Variants in SPAG16 observed in about 807,000 individuals in gnomAD.
SPAG16 encodes sperm-associated antigen 16 protein.
Under a neutral mutation model 80.4 loss-of-function variants are expected in SPAG16, and 86 were observed. That is an observed-to-expected ratio of 1.07 (90% CI 0.90 to 1.28). The LOEUF (loss-of-function observed/expected upper bound fraction) is 1.28. SPAG16 is among the 50% of genes most tolerant of loss of function. SPAG16 has a pLI of 0.00. For synonymous variants in SPAG16, 294 were observed against 265.9 expected (o/e 1.11, Z -1.03); for missense variants, 870 against 765.3 (o/e 1.14, Z -1.61).
intron 13 of SPAG16, among the ~76,000 whole-genome samples, chr2:214,098,329 T>C (rs2052747947): frequency 6.6e-6 from 1 of 152,086 alleles, no homozygotes; most frequent in Non-Finnish European, 1.5e-5. Flanking sequence ...TAAATCCATA[T>C]GTTGATGTCT....
At chr2:214,245,562 A>ATT (rs1689782528) in intron 15 of SPAG16, among the ~76,000 whole-genome samples, 1 of 152,118 alleles carries the variant, frequency 6.6e-6, no homozygotes, top group South Asian at 2.1e-4. Flanking sequence ...AGTCTGAAAC[A>ATT]TTTTTTCTTT....
chr2:213,951,664 A>G (rs2079787592), intron 12 of SPAG16, among the ~76,000 whole-genome samples: 1 of 152,204 alleles, frequency 6.6e-6, no homozygotes. Flanking sequence ...AATATGACAA[A>G]AGAGTATAAA....
intron 10 of SPAG16, among the ~76,000 whole-genome samples, chr2:213,830,952 G>A (rs1196749792): frequency 1.3e-5 from 2 of 151,478 alleles, no homozygotes; most frequent in African/African-American, 4.9e-5. Flanking sequence ...GTAGAATAAG[G>A]GTCTGATTTA....
At chr2:213,885,086 GTGCTGATTT>G (rs2106046567) in intron 11 of SPAG16, among the ~76,000 whole-genome samples, 2 of 152,272 alleles carry the variant, frequency 1.3e-5, no homozygotes, top group South Asian at 4.1e-4. Context: ...CAGAGTTCTT[GTGCTGATTT>G]TTGTACCCTT....
intron 9 of SPAG16, among the ~76,000 whole-genome samples, chr2:213,469,860 G>A (rs1195031893): frequency 6.6e-6 from 1 of 152,096 alleles, no homozygotes; most frequent in Non-Finnish European, 1.5e-5. Flanking sequence ...TTAAAGGTAG[G>A]AGGAGCCCAA....
intron 15 of SPAG16, among the ~76,000 whole-genome samples, chr2:214,213,516 A>G (rs988316759): frequency 2.6e-5 from 4 of 152,170 alleles, no homozygotes; most frequent in Non-Finnish European, 4.4e-5. Flanking sequence ...GTTTTGTGGC[A>G]ATCTTCTCAA....
chr2:213,293,403 A>G (rs762227009), intron 1 of SPAG16, among the ~76,000 whole-genome samples: 36 of 152,180 alleles, frequency 2.4e-4, no homozygotes, highest in Non-Finnish European at 5.0e-4. Context: ...GACGTGACCC[A>G]TGTAACCAGT....
intron 10 of SPAG16, among the ~76,000 whole-genome samples, chr2:213,703,406 C>T (rs149687916): frequency 1.4e-4 from 22 of 152,280 alleles, no homozygotes; most frequent in African/African-American, 4.6e-4. Context: ...AGAGCACCAA[C>T]GTTTTAAAGA....
Position 214,248,465 on chromosome 2 carries a change from G to A in SPAG16, c.1720+99199G>A, listed in dbSNP as rs193152930. Among the ~76,000 whole-genome samples the A allele has an allele frequency of 6.7e-3, 1,019 of 151,904 alleles. 8 individuals carry two copies. The highest frequency in any genetic ancestry group is 0.023 in the African/African-American group (974 of 41,460). On this transcript the variant is annotated intron_variant, in intron 15 of 15. Coordinates refer to ENST00000331683, the MANE Select transcript of SPAG16 (RefSeq NM_024532.5). ...CCTGAGTAGCTGGGACTGCAGGCGT[G>A]TGACACCACACCCAGCTAATTTTTG...
chr2:213,584,080 C>T (rs147292357), intron 10 of SPAG16, among the ~76,000 whole-genome samples: 1 of 152,268 alleles, frequency 6.6e-6, no homozygotes, highest in East Asian at 1.9e-4. Flanking sequence ...TATGTGACAA[C>T]CAAGTTCTGA....
chr2:213,384,597 T>C (rs2067329699), intron 9 of SPAG16, among the ~76,000 whole-genome samples: 2 of 152,176 alleles, frequency 1.3e-5, no homozygotes, highest in East Asian at 1.9e-4. Flanking sequence ...CCTAAGCCTC[T>C]GGGGAAGGAA....
intron 13 of SPAG16, among the ~76,000 whole-genome samples, chr2:214,023,312 A>T (rs2047973454): frequency 1.3e-5 from 2 of 151,684 alleles, no homozygotes; most frequent in African/African-American, 4.8e-5. Context: ...AAAAATACTG[A>T]TTTTCCACCA....
chr2:213,644,847 C>G (rs1361648171), intron 10 of SPAG16, among the ~76,000 whole-genome samples: 1 of 152,218 alleles, frequency 6.6e-6, no homozygotes, highest in Non-Finnish European at 1.5e-5. Flanking sequence ...CCTGCTGTAA[C>G]TACTTCCTGG....
Position 214,210,841 on chromosome 2 carries a change from A to G in SPAG16, c.1720+61575A>G, listed in dbSNP as rs185206071. On this transcript the variant is annotated intron_variant, in intron 15 of 15. Coordinates refer to ENST00000331683, the MANE Select transcript of SPAG16 (RefSeq NM_024532.5). ...AATACACACACACATGCGCGCGCGC[A>G]CACACACACACACACATATTTGTGT... Among the ~76,000 whole-genome samples, 189 of 130,526 alleles carry G rather than the reference A, an allele frequency of 1.4e-3. 1 individual carries two copies. Among genetic ancestry groups the G allele is most frequent in the African/African-American group, 6.1e-3 (139 of 22,652 alleles). 85.6% of individuals were successfully genotyped at this position (130,526 alleles called of 152,430 possible).
chr2:213,284,564 G>T lies in SPAG16; in HGVS notation c.81G>T (p.Gly27=). The T allele has an allele frequency of 1.9e-6, 3 of 1,608,700 alleles. No homozygotes were observed. The highest frequency in any genetic ancestry group is 3.3e-4 in the Middle Eastern group (2 of 6,056). The part of the protein sequence containing the change: ...EALGMGLTAA[G]DARDTADAVA... ...TGGGCATGGGTTTGACGGCAGCCGG[G>T]GACGCGAGGGACACGGCGGACGCGG... is the stretch of plus-strand genomic sequence containing the variant. Residue 27 remains glycine (G), a synonymous_variant, in exon 1 of 16, where the codon GGG becomes GGT. Transcript: ENST00000331683.
At chr2:213,776,711 T>C (rs1013987476) in intron 10 of SPAG16, among the ~76,000 whole-genome samples, 50 of 152,052 alleles carry the variant, frequency 3.3e-4, no homozygotes, top group African/African-American at 1.1e-3. Context: ...GGAAAAGACA[T>C]TGACTTTTTT....
At chr2:214,321,385 G>T (rs1463383156) in intron 15 of SPAG16, among the ~76,000 whole-genome samples, 1 of 151,548 alleles carries the variant, frequency 6.6e-6, no homozygotes, top group Non-Finnish European at 1.5e-5. Flanking sequence ...GTAGGCATTT[G>T]CATAGAAGGC....
At chr2:213,860,419 G>A (rs1320158923) in intron 10 of SPAG16, among the ~76,000 whole-genome samples, 2 of 66,028 alleles carry the variant, frequency 3.0e-5, no homozygotes, top group African/African-American at 8.1e-5. Flanking sequence ...ATAAATATAT[G>A]TGTGTATATC....
At chr2:213,529,562 G>A (rs1424599278) in intron 10 of SPAG16, among the ~76,000 whole-genome samples, 1 of 152,108 alleles carries the variant, frequency 6.6e-6, no homozygotes, top group Non-Finnish European at 1.5e-5. Context: ...TGAACATCAT[G>A]GAGTGTACTT....
Sources: gnomAD v4.1 joint callset for allele counts (sites outside exome capture counted in the v4.1 genomes callset) on GRCh38, gnomAD v4.1.1 for gene constraint, MANE v1.5 for transcripts, NCBI Gene and HGNC (gene_info 2026-07-23, HGNC 2026-07-21) for gene names.